Variants in ITGB3BP observed in about 807,000 individuals in gnomAD.
ITGB3BP encodes the protein centromere protein R.
A neutral mutation model predicts 29.1 loss-of-function variants in ITGB3BP; 27 were observed. The ratio of observed to expected loss-of-function variants is 0.93; its 90% CI spans 0.68 to 1.28. The LOEUF (loss-of-function observed/expected upper bound fraction) is 1.28. Among genes scored for constraint, ITGB3BP ranks in the 50% most tolerant of loss-of-function variants. The pLI, the probability that ITGB3BP is intolerant of heterozygous loss-of-function variation, is 0.00. For synonymous variants in ITGB3BP, 61 were observed against 61.4 expected (o/e 0.99, Z 0.03); for missense variants, 192 against 200.2 (o/e 0.96, Z 0.25).
chr1:63,447,128 T>C (rs1644800272), intron 7 of ITGB3BP: 1 of 379,704 alleles, frequency 2.6e-6, no homozygotes, highest in Non-Finnish European at 4.8e-6. Context: ...AGTACACTCT[T>C]TATGGTTACT....
At chr1:63,496,556 T>C (rs1645792990) in intron 2 of ITGB3BP, among the ~76,000 whole-genome samples, 1 of 152,202 alleles carries the variant, frequency 6.6e-6, no homozygotes, top group South Asian at 2.1e-4. Context: ...TTATACTTTG[T>C]TGTGAGGTAC....
intron 1 of ITGB3BP, among the ~76,000 whole-genome samples, chr1:63,522,294 C>T (rs1224744735): frequency 6.6e-6 from 1 of 152,124 alleles, no homozygotes; most frequent in South Asian, 2.1e-4. Flanking sequence ...CTATTTGATA[C>T]AAAAATTTCC....
intron 2 of ITGB3BP, among the ~76,000 whole-genome samples, chr1:63,502,783 C>A (rs553010438): frequency 6.6e-6 from 1 of 150,836 alleles, no homozygotes; most frequent in Non-Finnish European, 1.5e-5. Context: ...TTTGTCCTTG[C>A]GATATTTGCT....
rs530479209 is a variant in ITGB3BP, at chr1:63,481,699, C to A, written c.185-2866G>T. Among the ~76,000 whole-genome samples, 30 of 152,286 alleles carry A rather than the reference C, an allele frequency of 2.0e-4. No homozygotes were observed. The South Asian group carries it at 5.6e-3, about 28-fold the overall frequency. On this transcript the variant is annotated intron_variant, in intron 3 of 8. Transcript: ENST00000271002. ...TTCCCTAACAAATGAAGATAGCTTT[C>A]AACAAATTGTTAATACTTGGAAACA...
At chr1:63,449,105 G>A (rs992334614) in intron 7 of ITGB3BP, among the ~76,000 whole-genome samples, 1 of 152,092 alleles carries the variant, frequency 6.6e-6, no homozygotes, top group Non-Finnish European at 1.5e-5. Flanking sequence ...ACGCAACAAT[G>A]TCTGTGTACA....
At chr1:63,458,084 A>C (rs1451608124) in intron 4 of ITGB3BP, 2 of 152,178 alleles carry the variant, frequency 1.3e-5, no homozygotes, top group Non-Finnish European at 2.9e-5. Flanking sequence ...CTCAAAGAAA[A>C]AGTCTTTATT....
chr1:63,517,704 A>C (rs912995960), intron 1 of ITGB3BP, among the ~76,000 whole-genome samples: 1 of 151,972 alleles, frequency 6.6e-6, no homozygotes, highest in Non-Finnish European at 1.5e-5. Flanking sequence ...TTGAATCATT[A>C]ATTTTACTTT....
chr1:63,462,199 T>C (rs1296484000), intron 4 of ITGB3BP, among the ~76,000 whole-genome samples: 3 of 152,242 alleles, frequency 2.0e-5, no homozygotes, highest in African/African-American at 7.2e-5. Context: ...TTTACCTCTT[T>C]AGTTAAATTT....
chr1:63,493,088 A>ACACACACACGCGCG (rs372348238), intron 2 of ITGB3BP, among the ~76,000 whole-genome samples: 5 of 148,726 alleles, frequency 3.4e-5, no homozygotes, highest in African/African-American at 1.3e-4. Context: ...ACACACACAC[A>ACACACACACGCGCG]CGCGCGCGCG....
chr1:63,443,118 TGA>T (rs1288338241), intron 8 of ITGB3BP: 4 of 152,288 alleles, frequency 2.6e-5, no homozygotes, highest in Admixed American at 2.6e-4. Context: ...GAATAATCAC[TGA>T]AGTGTGACAG....
chr1:63,515,074 G>A (rs1051140906), intron 1 of ITGB3BP, among the ~76,000 whole-genome samples: 16 of 151,852 alleles, frequency 1.1e-4, no homozygotes, highest in African/African-American at 1.5e-4. Context: ...TGCTTTCCGC[G>A]TCTTGCCTGA....
At chr1:63,489,169 G>A (rs1645592621) in intron 3 of ITGB3BP, among the ~76,000 whole-genome samples, 1 of 151,814 alleles carries the variant, frequency 6.6e-6, no homozygotes, top group African/African-American at 2.4e-5. Context: ...TTTGATTAAA[G>A]TAAAATTAAA....
intron 4 of ITGB3BP, among the ~76,000 whole-genome samples, chr1:63,475,998 A>G (rs1453903517): frequency 5.5e-5 from 1 of 18,190 alleles, no homozygotes; most frequent in African/African-American, 2.0e-4. Context: ...ACACTGTCTC[A>G]AAAAAAAAAA....
chr1:63,494,220 A>T (rs1645732382), intron 2 of ITGB3BP, among the ~76,000 whole-genome samples: 1 of 151,864 alleles, frequency 6.6e-6, no homozygotes, highest in African/African-American at 2.4e-5. Flanking sequence ...GCTCACTGCA[A>T]CCTCTGCCTC....
intron 2 of ITGB3BP, among the ~76,000 whole-genome samples, chr1:63,491,975 G>A (rs528613357): frequency 2.0e-5 from 3 of 152,072 alleles, no homozygotes; most frequent in South Asian, 2.1e-4. Flanking sequence ...ACTTTTCCAA[G>A]AATTTATTGC....
intron 2 of ITGB3BP, 46 bp from the exon 3 acceptor site, chr1:63,490,264 A>C (rs770867140): frequency 7.3e-7 from 1 of 1,367,894 alleles, no homozygotes; most frequent in Non-Finnish European, 1.0e-6. Context: ...ATGTTTAGTT[A>C]TAGATCTTTG....
chr1:63,519,671 T>C (rs1024777510), intron 1 of ITGB3BP, among the ~76,000 whole-genome samples: 1 of 152,140 alleles, frequency 6.6e-6, no homozygotes, highest in African/African-American at 2.4e-5. Flanking sequence ...GTTTATTTAA[T>C]GGTTAACTTT....
chr1:63,444,747 A>T (rs1192272126), intron 8 of ITGB3BP, among the ~76,000 whole-genome samples: 1 of 151,476 alleles, frequency 6.6e-6, no homozygotes, highest in Non-Finnish European at 1.5e-5. Flanking sequence ...CTTGGCCAGT[A>T]GTGAAACCTG....
intron 2 of ITGB3BP, among the ~76,000 whole-genome samples, chr1:63,492,821 G>A (rs935567044): frequency 2.6e-5 from 4 of 152,206 alleles, no homozygotes; most frequent in South Asian, 2.1e-4. Context: ...GAAAGAGAGC[G>A]ATGTCAGCTG....
Sources: gnomAD v4.1 joint callset for allele counts (sites outside exome capture counted in the v4.1 genomes callset) on GRCh38, gnomAD v4.1.1 for gene constraint, MANE v1.5 for transcripts, NCBI Gene and HGNC (gene_info 2026-07-23, HGNC 2026-07-21) for gene names.